ANKRD13D: variants seen among roughly 807,000 people sequenced by gnomAD.
ANKRD13D encodes the protein ankyrin repeat domain-containing protein 13D.
ANKRD13D carries 24 observed loss-of-function variants against 68.8 expected under a neutral mutation model. That is an observed-to-expected ratio of 0.35 (90% CI 0.25 to 0.49). The LOEUF (loss-of-function observed/expected upper bound fraction) is 0.49, where lower values mean the gene tolerates loss of function less well. ANKRD13D is among the 20% of genes least tolerant of loss of function. ANKRD13D has a pLI of 0.99. For missense variants in ANKRD13D, 735 were observed against 832.1 expected, an observed-to-expected ratio of 0.88 and a Z score of 1.44; for synonymous variants, 331 against 336.1, an observed-to-expected ratio of 0.98 and a Z score of 0.16.
intron 6 of ANKRD13D, chr11:67,297,885 TTTTGA>T (rs1314817474): frequency 6.6e-6 from 1 of 152,068 alleles, no homozygotes; most frequent in Non-Finnish European, 1.5e-5. Context: ...CTGATTTCTC[TTTTGA>T]TTTATTATTT....
At chr11:67,297,837 A>G (rs559065379) in intron 6 of ANKRD13D, 2 of 149,516 alleles carry the variant, frequency 1.3e-5, no homozygotes, top group South Asian at 4.2e-4. Context: ...AAGTTTTGAT[A>G]TGTTGTGTCT....
Position 67,299,776 on chromosome 11 carries a change from G to T in ANKRD13D, c.881-51G>T. 1 of 1,534,106 alleles carries T rather than the reference G, an allele frequency of 6.5e-7. No individual in the cohort carries two copies. The highest frequency in any genetic ancestry group is 1.3e-5 in the South Asian group (1 of 78,882). On this transcript the variant is annotated intron_variant, in intron 8 of 14. Transcript: ENST00000511455. The surrounding 1 kb of genome is among the most constrained non-coding windows in gnomAD (Gnocchi z 6.2). ...AGGCTCCAGGGGTGGAGGTGGGCAGGGGCGATGCGAGCATTGTGACCCCTT... is the reference window on the plus strand; with the variant it reads ...AGGCTCCAGGGGTGGAGGTGGGCAGTGGCGATGCGAGCATTGTGACCCCTT...
chr11:67,299,208 C>T lies in ANKRD13D; in HGVS notation c.798+84C>T. On this transcript the variant is annotated intron_variant, in intron 7 of 14. Coordinates refer to ENST00000511455, the MANE Select transcript of ANKRD13D (RefSeq NM_207354.3). This position sits in a 1 kb window ranked among gnomAD's most constrained non-coding sequence, Gnocchi z 6.2. ...CCTCTCCACATCCATCCCAGAGTAGCCCCTGGGCTCTGGAAACCCTGAGCA... is the reference window on the plus strand; with the variant it reads ...CCTCTCCACATCCATCCCAGAGTAGTCCCTGGGCTCTGGAAACCCTGAGCA... 6.6e-7 allele frequency: 1 copy of T among 1,516,158 alleles called. No individual in the cohort carries two copies. 93.9% of individuals were successfully genotyped at this position (1,516,158 alleles called of 1,614,324 possible).
intron 6 of ANKRD13D, among the ~76,000 whole-genome samples, chr11:67,295,875 A>C (rs1299201024): frequency 6.6e-6 from 1 of 152,266 alleles, no homozygotes; most frequent in African/African-American, 2.4e-5. Flanking sequence ...TTTTTGGTAG[A>C]TACCCTTCAT....
rs1860485711 is a variant in ANKRD13D, at chr11:67,290,431, C to T, written c.336C>T (p.Leu112=). 1 of 1,585,484 alleles carries T rather than the reference C, an allele frequency of 6.3e-7. No homozygotes were observed. The highest frequency in any genetic ancestry group is 8.6e-7 in the Non-Finnish European group (1 of 1,167,310). ...TQRLAGIPEL[L]NKLRQAPDFY... is the part of the protein sequence containing the mutation. ...GGCTGGCGGGCATTCCGGAACTGCTCAACAAACTTCGCCAGGTACAGCAGG... is the reference window on the plus strand; with the variant it reads ...GGCTGGCGGGCATTCCGGAACTGCTTAACAAACTTCGCCAGGTACAGCAGG... Residue 112 remains leucine (L), a synonymous_variant, in exon 3 of 15, where the codon CTC becomes CTT. Coordinates refer to ENST00000511455, the MANE Select transcript of ANKRD13D (RefSeq NM_207354.3).
rs766510966 is a variant in ANKRD13D, at chr11:67,291,507, A to C, written c.383A>C (p.Glu128Ala). The change falls in exon 4 of 15, where the codon GAG becomes GCG. Residue 128 changes from glutamate (E) to alanine (A), a missense_variant. Coordinates refer to ENST00000511455, the MANE Select transcript of ANKRD13D (RefSeq NM_207354.3). Reference protein sequence around the residue: ...APDFYVEMKWEFTSWVPLVSK... With the variant: ...APDFYVEMKWAFTSWVPLVSK... ...GATTTCTACGTTGAGATGAAGTGGGAGTTCACCAGCTGGGGTGAGTGGGGA... is the reference window on the plus strand; with the variant it reads ...GATTTCTACGTTGAGATGAAGTGGGCGTTCACCAGCTGGGGTGAGTGGGGA... 1.9e-6 allele frequency: 3 copies of C among 1,613,758 alleles called. No individual in the cohort carries two copies. In the Admixed American group the frequency reaches 5.0e-5, roughly 27 times the overall value.
In ANKRD13D at chr11:67,299,860, T is replaced by G. The variant is rs890225375; in HGVS notation, c.914T>G (p.Met305Arg). The G allele has an allele frequency of 3.2e-6, 5 of 1,538,568 alleles. No individual in the cohort carries two copies. Among genetic ancestry groups the G allele is most frequent in the Non-Finnish European group, 3.5e-6 (4 of 1,141,894 alleles). The change falls in exon 9 of 15, where the codon ATG (methionine) becomes AGG (arginine). Residue 305 changes from methionine to arginine, a missense_variant. Physicochemically the swap from Met to Arg is moderately conservative, Grantham distance 91. Coordinates refer to ENST00000511455, the MANE Select transcript of ANKRD13D (RefSeq NM_207354.3). The surrounding 1 kb of genome is among the most constrained non-coding windows in gnomAD (Gnocchi z 6.2). ...ACTCCATTCCAGTCCTTCCTGGGGATGGCGCAGCAGCATTCCTCCCACACC... is the reference window on the plus strand; with the variant it reads ...ACTCCATTCCAGTCCTTCCTGGGGAGGGCGCAGCAGCATTCCTCCCACACC... The part of the protein sequence containing the change: ...GKTPFQSFLG[M>R]AQQHSSHTGA...
rs573642559 is a variant in ANKRD13D, at chr11:67,290,912, G to C, written c.351+466G>C. 42 of 179,160 alleles carry C rather than the reference G, an allele frequency of 2.3e-4. No homozygotes were observed. In the South Asian group the frequency reaches 4.8e-3, roughly 20 times the overall value. The allele number at this position is 179,160 out of a possible 1,614,324, so 11.1% of individuals were successfully genotyped here. ...CCAGTGGAAACAAAGGCTCCCCCAG[G>C]GCTCTGCACAGGCTCATGGCCAGGT... On this transcript the variant is annotated intron_variant, in intron 3 of 14. Transcript: ENST00000511455.
At chr11:67,294,952 T>C (rs1052746423) in intron 6 of ANKRD13D, among the ~76,000 whole-genome samples, 2 of 152,254 alleles carry the variant, frequency 1.3e-5, no homozygotes, top group Non-Finnish European at 2.9e-5. Context: ...CTAAACTCAT[T>C]CATTCAAGTA....
chr11:67,300,965 C>T lies in ANKRD13D; in HGVS notation c.1074-25C>T, dbSNP rs547416692. ...GGAAGGGCCACCAGCCGTGCCTCACCCATGTCCTGTGGTCGGCTGGGCAGG... is the reference window on the plus strand; with the variant it reads ...GGAAGGGCCACCAGCCGTGCCTCACTCATGTCCTGTGGTCGGCTGGGCAGG... On this transcript the variant is annotated intron_variant, in intron 10 of 14. Transcript: ENST00000511455. This position sits in a 1 kb window ranked among gnomAD's most constrained non-coding sequence, Gnocchi z 4.3. 3.1e-5 allele frequency: 50 copies of T among 1,612,650 alleles called. 1 individual carries two copies. In the South Asian group the frequency reaches 5.3e-4, roughly 17 times the overall value.
chr11:67,295,227 C>T (rs1860715139), intron 6 of ANKRD13D, among the ~76,000 whole-genome samples: 1 of 151,642 alleles, frequency 6.6e-6, no homozygotes, highest in African/African-American at 2.4e-5. Context: ...ACCATCCTGG[C>T]TAACATGGTG....
At chr11:67,289,625 C>T in intron 1 of ANKRD13D, 75 bp downstream of exon 1, 3 of 1,128,978 alleles carry the variant, frequency 2.7e-6, no homozygotes, top group East Asian at 3.9e-5. Flanking sequence ...CCTGGAGCCC[C>T]CCCCCCCCCC....
Position 67,302,273 on chromosome 11 carries a change from G to C in ANKRD13D, c.1759G>C (p.Gly587Arg), listed in dbSNP as rs534474099. 1.3e-4 allele frequency: 207 copies of C among 1,567,794 alleles called. No individual in the cohort carries two copies. The Admixed American group carries it at 1.7e-3, about 13-fold the overall frequency. Reference protein sequence around the residue: ...SREQEERERRGQQEEEDLQRI... With the variant: ...SREQEERERRRQQEEEDLQRI... ...GGAGCAGGAGGAGCGGGAGCGGCGC[G>C]GGCAGCAGGAGGAGGAGGACTTACA... The change falls in exon 15 of 15, where the codon GGG (glycine) becomes CGG (arginine). Residue 587 changes from glycine to arginine, a missense_variant. Coordinates refer to ENST00000511455, the MANE Select transcript of ANKRD13D (RefSeq NM_207354.3).
In ANKRD13D at chr11:67,299,632, C is replaced by T. The variant is rs369646145; in HGVS notation, c.880+21C>T. Reference sequence around the variant, plus strand: ...CAAAGGTAAACCCAGGTGCGCCTGCCTGCTGCCCGGTCACACCGTGTGGTG... The same window carrying T: ...CAAAGGTAAACCCAGGTGCGCCTGCTTGCTGCCCGGTCACACCGTGTGGTG... On this transcript the variant is annotated intron_variant, in intron 8 of 14. Transcript: ENST00000511455. This position sits in a 1 kb window ranked among gnomAD's most constrained non-coding sequence, Gnocchi z 6.2. 1.7e-5 allele frequency: 27 copies of T among 1,550,200 alleles called. No individual in the cohort carries two copies. The Middle Eastern group carries it at 2.1e-3, about 119-fold the overall frequency.
chr11:67,291,351 CAAAAAAAAAAAAAA>C (rs369072835), intron 3 of ANKRD13D, 111 bp from the exon 4 acceptor site: 2 of 496,172 alleles, frequency 4.0e-6, no homozygotes, highest in Non-Finnish European at 6.2e-6. Context: ...GAGCAAGTCT[CAAAAAAAAAAAAAA>C]AAAAAAAAAA....
At position 67,290,216 on chromosome 11, in the gene ANKRD13D, A is replaced by G; in HGVS notation, c.226+3A>G. 1 of 1,540,658 alleles carries G rather than the reference A, an allele frequency of 6.5e-7. No individual in the cohort carries two copies. ...AGAGAACCGCCAGGGCTGGGCAGGT[A>G]CTGCAGAGGACAAGGGGCTCCCCCT... On this transcript the variant is annotated splice_donor_region_variant and intron_variant, in intron 2 of 14. Coordinates refer to ENST00000511455, the MANE Select transcript of ANKRD13D (RefSeq NM_207354.3).
Position 67,292,163 on chromosome 11 carries a change from T to C in ANKRD13D, c.714T>C (p.Arg238=). 6.3e-7 allele frequency: 1 copy of C among 1,593,792 alleles called. No individual in the cohort carries two copies. Among genetic ancestry groups the C allele is most frequent in the East Asian group, 2.3e-5 (1 of 44,308 alleles). The change falls in exon 6 of 15, where the codon CGT becomes CGC. Residue 238 remains arginine, a synonymous_variant. Coordinates refer to ENST00000511455, the MANE Select transcript of ANKRD13D (RefSeq NM_207354.3). ...TCGTCTCCACCCACCTGGACACTCG[T>C]AATGTGGCCTTTGAGAGGTCGGTCG... ...SPIVSTHLDT[R]NVAFERNKCG...
At position 67,299,948 on chromosome 11, in the gene ANKRD13D, C is replaced by T. The variant is rs1483332561; in HGVS notation, c.943-45C>T. ...GGGGCCGAGCCTGGGCGGGAGGGCA[C>T]CCTCTGTCACCTTGATGGCTGAGTC... On this transcript the variant is annotated intron_variant, in intron 9 of 14. Coordinates refer to ENST00000511455, the MANE Select transcript of ANKRD13D (RefSeq NM_207354.3). The surrounding 1 kb of genome is among the most constrained non-coding windows in gnomAD (Gnocchi z 6.2). 6.3e-7 allele frequency: 1 copy of T among 1,584,800 alleles called. No homozygotes were observed. Among genetic ancestry groups the T allele is most frequent in the African/African-American group, 1.3e-5 (1 of 74,440 alleles).
intron 6 of ANKRD13D, among the ~76,000 whole-genome samples, chr11:67,294,249 T>A (rs1860681123): frequency 6.6e-6 from 1 of 152,194 alleles, no homozygotes; most frequent in Admixed American, 6.5e-5. Flanking sequence ...CTATTTTCTT[T>A]TTTCTCACAA....
Sources: allele counts gnomAD v4.1 joint callset (sites outside exome capture counted in the v4.1 genomes callset), GRCh38; gene constraint gnomAD v4.1.1; non-coding constraint Gnocchi (gnomAD v3.1); transcripts MANE v1.5; gene names NCBI Gene and HGNC (gene_info 2026-07-23, HGNC 2026-07-21).